Variants in NR1H4 observed in about 807,000 individuals in gnomAD.
NR1H4 encodes bile acid receptor.
In NR1H4, 23 loss-of-function variants were observed where a neutral mutation model predicts 58.5. The observed-to-expected ratio is 0.39, with a 90% confidence interval of 0.28 to 0.56. The LOEUF is 0.56. Among genes scored for constraint, NR1H4 ranks in the 20% least tolerant of loss-of-function variants. The pLI is 0.58. For synonymous variants in NR1H4, 214 were observed against 198.0 expected, an observed-to-expected ratio of 1.08 and a Z score of -0.68; for missense variants, 487 against 576.9, an observed-to-expected ratio of 0.84 and a Z score of 1.60.
chr12:100,519,357 C>G (rs1272815411), intron 4 of NR1H4, among the ~76,000 whole-genome samples: 1 of 151,874 alleles, frequency 6.6e-6, no homozygotes, highest in Non-Finnish European at 1.5e-5. Flanking sequence ...GAGTGGGGCT[C>G]TGGCCCCACA....
intron 4 of NR1H4, among the ~76,000 whole-genome samples, chr12:100,520,800 A>G (rs557807446): frequency 2.6e-5 from 4 of 152,218 alleles, no homozygotes; most frequent in African/African-American, 9.6e-5. Context: ...AATCATATCC[A>G]CCATGTTAGC....
chr12:100,503,286 A>G, intron 3 of NR1H4: 1 of 1,401,602 alleles, frequency 7.1e-7, no homozygotes, highest in Non-Finnish European at 9.4e-7. Flanking sequence ...AACATTTACA[A>G]ATATTCTGCT....
intron 1 of NR1H4, among the ~76,000 whole-genome samples, chr12:100,477,277 GA>G (rs903594636): frequency 1.5e-4 from 23 of 151,244 alleles, no homozygotes; most frequent in African/African-American, 2.9e-4. Flanking sequence ...TATTGCACAG[GA>G]AAAAAAATAA....
intron 1 of NR1H4, among the ~76,000 whole-genome samples, chr12:100,488,821 C>A (rs1953548249): frequency 6.6e-6 from 1 of 152,140 alleles, no homozygotes; most frequent in Non-Finnish European, 1.5e-5. Flanking sequence ...TATAATACAT[C>A]AGAAATTATA....
At chr12:100,488,950 A>G (rs1029620510) in intron 1 of NR1H4, among the ~76,000 whole-genome samples, 1 of 152,176 alleles carries the variant, frequency 6.6e-6, no homozygotes, top group African/African-American at 2.4e-5. Flanking sequence ...AACCTATAAC[A>G]TGACTCCTTT....
At chr12:100,521,118 A>G (rs1325599412) in intron 4 of NR1H4, among the ~76,000 whole-genome samples, 1 of 152,006 alleles carries the variant, frequency 6.6e-6, no homozygotes, top group Non-Finnish European at 1.5e-5. Flanking sequence ...AGAAAACACA[A>G]GAGAATTTAA....
intron 1 of NR1H4, among the ~76,000 whole-genome samples, chr12:100,477,976 G>A (rs1456258093): frequency 6.6e-6 from 1 of 152,176 alleles, no homozygotes; most frequent in Admixed American, 6.5e-5. Flanking sequence ...TTTTAGGGCA[G>A]TGAATTCATT....
chr12:100,498,919 G>A lies in NR1H4; in HGVS notation c.79+5517G>A, dbSNP rs1953774112. On this transcript the variant is annotated intron_variant, in intron 3 of 10. Transcript: ENST00000392986. Reference sequence around the variant, plus strand: ...CTGTGTATGCCCATTTTCTTAGGGTGCGCTTTATTTCTTTATTTTTATTTT... The same window carrying A: ...CTGTGTATGCCCATTTTCTTAGGGTACGCTTTATTTCTTTATTTTTATTTT... 2.0e-5 allele frequency among the ~76,000 whole-genome samples: 3 copies of A among 151,996 alleles called. No homozygotes were observed. In the South Asian group the frequency reaches 6.2e-4, roughly 32 times the overall value.
At chr12:100,549,263 G>A (rs1218334370) in intron 9 of NR1H4, among the ~76,000 whole-genome samples, 10 of 152,122 alleles carry the variant, frequency 6.6e-5, no homozygotes, top group Non-Finnish European at 1.0e-4. Context: ...CCTGGAACCT[G>A]GGAGGCAGAG....
chr12:100,504,386 A>T (rs1953908800), intron 3 of NR1H4, among the ~76,000 whole-genome samples: 1 of 152,242 alleles, frequency 6.6e-6, no homozygotes, highest in Non-Finnish European at 1.5e-5. Flanking sequence ...GATGTTTAAA[A>T]GTGACCGACA....
chr12:100,503,602 A>G (rs1953888548), intron 3 of NR1H4: 2 of 1,174,888 alleles, frequency 1.7e-6, no homozygotes, highest in Non-Finnish European at 1.1e-6. Context: ...TGTCAAAGAT[A>G]GTGGCTCAGT....
chr12:100,539,433 CAG>C (rs1184220772), intron 8 of NR1H4, among the ~76,000 whole-genome samples: 1 of 152,152 alleles, frequency 6.6e-6, no homozygotes, highest in African/African-American at 2.4e-5. Flanking sequence ...GGCAATAAGA[CAG>C]GGCCCCTTTC....
intron 3 of NR1H4, among the ~76,000 whole-genome samples, chr12:100,496,630 G>C (rs1372143581): frequency 6.6e-6 from 1 of 152,166 alleles, no homozygotes; most frequent in East Asian, 1.9e-4. Context: ...AAACATTTGA[G>C]TCCACAAAAA....
rs1005666560 is a variant in NR1H4, at chr12:100,549,438, T to C, written c.1078+8620T>C. ...CTGTAAGTGAATAATCCTGAAGTGT[T>C]ACACATAACTTCTACTGGCATTCCA... On this transcript the variant is annotated intron_variant, in intron 9 of 10. Coordinates refer to ENST00000392986, the MANE Select transcript of NR1H4 (RefSeq NM_001206979.2). Among the ~76,000 whole-genome samples the C allele has an allele frequency of 6.6e-5, 10 of 152,146 alleles. No homozygotes were observed. The South Asian group carries it at 1.0e-3, about 16-fold the overall frequency.
intron 4 of NR1H4, among the ~76,000 whole-genome samples, chr12:100,518,897 C>T (rs2136190307): frequency 6.6e-6 from 1 of 150,914 alleles, no homozygotes; most frequent in Admixed American, 6.6e-5. Context: ...AAGTGATTCT[C>T]CTGCCTCAGC....
In NR1H4 at chr12:100,492,596, T is replaced by G. The variant is rs917750402; in HGVS notation, c.-96T>G. The stretch of plus-strand genomic sequence containing the variant: ...CACTGCTTCTCTTAGTTTCCTGGAT[T>G]TCTTCTGGACATTTCCTCAAGATGA... On this transcript the variant is annotated 5_prime_UTR_variant, in exon 2 of 11. In the 5' UTR this introduces an upstream ATG that the reference lacks. Transcript: ENST00000392986. 1 of 152,218 alleles carries G rather than the reference T, an allele frequency of 6.6e-6. No individual in the cohort carries two copies. The highest frequency in any genetic ancestry group is 6.5e-5 in the Admixed American group (1 of 15,282). 9.4% of individuals were successfully genotyped at this position (152,218 alleles called of 1,614,324 possible).
chr12:100,497,156 G>A (rs1303766927), intron 3 of NR1H4, among the ~76,000 whole-genome samples: 1 of 152,166 alleles, frequency 6.6e-6, no homozygotes, highest in East Asian at 1.9e-4. Flanking sequence ...TGTCAGCAGA[G>A]GGGTCAGGGA....
intron 3 of NR1H4, among the ~76,000 whole-genome samples, chr12:100,498,682 A>G (rs1804383678): frequency 6.6e-6 from 1 of 152,136 alleles, no homozygotes; most frequent in Admixed American, 6.5e-5. Context: ...ATGTAAATAA[A>G]TTTCTGGTTA....
intron 4 of NR1H4, chr12:100,525,505 T>G (rs1039742825): frequency 6.6e-6 from 1 of 152,124 alleles, no homozygotes; most frequent in Non-Finnish European, 1.5e-5. Flanking sequence ...GACCTAATCT[T>G]TATAATGAAA....
Sources: gnomAD v4.1 joint callset for allele counts (sites outside exome capture counted in the v4.1 genomes callset) on GRCh38, gnomAD v4.1.1 for gene constraint, MANE v1.5 for transcripts, NCBI Gene and HGNC (gene_info 2026-07-23, HGNC 2026-07-21) for gene names.